BRINP3: variants seen among roughly 807,000 people sequenced by gnomAD.
The protein encoded by BRINP3 is BMP/retinoic acid inducible neural specific 3.
In BRINP3, 19 loss-of-function variants were observed where a neutral mutation model predicts 71.0. The ratio of observed to expected loss-of-function variants is 0.27; its 90% CI spans 0.19 to 0.39. The LOEUF is 0.39. BRINP3 is among the 10% of genes least tolerant of loss of function. BRINP3 has a pLI of 1.00. For missense variants in BRINP3, 959 were observed against 940.8 expected (o/e 1.02, Z -0.25); for synonymous variants, 380 against 337.7 (o/e 1.13, Z -1.37).
At chr1:190,312,222 T>C (rs1665585280) in intron 2 of BRINP3, among the ~76,000 whole-genome samples, 1 of 150,796 alleles carries the variant, frequency 6.6e-6, no homozygotes, top group East Asian at 1.9e-4. Flanking sequence ...TATTGCAAAG[T>C]TCAATATAAA....
chr1:190,389,901 G>T (rs962798125), intron 2 of BRINP3, among the ~76,000 whole-genome samples: 1 of 151,760 alleles, frequency 6.6e-6, no homozygotes, highest in Non-Finnish European at 1.5e-5. Context: ...GACAAAAATG[G>T]ATTTTGATAA....
intron 1 of BRINP3, chr1:190,474,323 A>T (rs1411253357): frequency 6.6e-6 from 1 of 152,644 alleles, no homozygotes; most frequent in East Asian, 1.9e-4. Flanking sequence ...AAATGCATAT[A>T]TTCCATTGCT....
chr1:190,438,550 C>A (rs552184152), intron 2 of BRINP3, among the ~76,000 whole-genome samples: 1 of 151,920 alleles, frequency 6.6e-6, no homozygotes, highest in African/African-American at 2.4e-5. Context: ...GTAGCTTATG[C>A]TGACTTTGAG....
At chr1:190,287,212 C>T (rs375500801) in intron 2 of BRINP3, among the ~76,000 whole-genome samples, 15 of 152,122 alleles carry the variant, frequency 9.9e-5, no homozygotes, top group East Asian at 5.8e-4. Context: ...GGCCGCAGAG[C>T]GAGACTCCAT....
chr1:190,193,536 C>G (rs536635493), intron 6 of BRINP3, among the ~76,000 whole-genome samples: 84 of 152,122 alleles, frequency 5.5e-4, no homozygotes, highest in Middle Eastern at 6.8e-3. Flanking sequence ...GTACTAATCC[C>G]TGGAACTTGC....
chr1:190,283,013 T>C (rs1663155809), intron 2 of BRINP3, among the ~76,000 whole-genome samples: 1 of 151,940 alleles, frequency 6.6e-6, no homozygotes, highest in African/African-American at 2.4e-5. Context: ...ACAGTGTACA[T>C]ACTTCCAGGA....
intron 7 of BRINP3, among the ~76,000 whole-genome samples, chr1:190,139,731 A>T (rs987191550): frequency 1.3e-5 from 2 of 152,184 alleles, no homozygotes; most frequent in Non-Finnish European, 2.9e-5. Flanking sequence ...GTCAAGCCAG[A>T]TTTGAGACAA....
At chr1:190,256,476 G>A (rs1470036152) in intron 4 of BRINP3, among the ~76,000 whole-genome samples, 1 of 152,080 alleles carries the variant, frequency 6.6e-6, no homozygotes, top group African/African-American at 2.4e-5. Flanking sequence ...GGGGCATTTA[G>A]CCCATTTATA....
chr1:190,335,402 TG>T (rs1215386334), intron 2 of BRINP3, among the ~76,000 whole-genome samples: 4 of 151,904 alleles, frequency 2.6e-5, no homozygotes, highest in African/African-American at 9.7e-5. Flanking sequence ...AATAATAGGA[TG>T]ATGTCTTTAT....
chr1:190,216,376 T>C (rs1366727902), intron 6 of BRINP3, among the ~76,000 whole-genome samples: 1 of 151,658 alleles, frequency 6.6e-6, no homozygotes, highest in Non-Finnish European at 1.5e-5. Context: ...ATACTATTTT[T>C]ATTGTAATTA....
intron 2 of BRINP3, among the ~76,000 whole-genome samples, chr1:190,311,494 A>C (rs1665514793): frequency 6.6e-6 from 1 of 151,674 alleles, no homozygotes; most frequent in South Asian, 2.1e-4. Flanking sequence ...TAGCCAAAAA[A>C]AAGTAGAAAT....
At chr1:190,170,316 G>T (rs1294700037) in intron 6 of BRINP3, among the ~76,000 whole-genome samples, 1 of 151,920 alleles carries the variant, frequency 6.6e-6, no homozygotes, top group Non-Finnish European at 1.5e-5. Flanking sequence ...TTTCTCTGAG[G>T]GTGAGAACAA....
intron 1 of BRINP3, among the ~76,000 whole-genome samples, chr1:190,459,255 T>G (rs956981448): frequency 2.0e-5 from 3 of 151,608 alleles, no homozygotes; most frequent in African/African-American, 7.3e-5. Context: ...ACATATATAC[T>G]AATGTATACT....
At chr1:190,262,449 A>G in intron 4 of BRINP3, among the ~76,000 whole-genome samples, 1 of 152,044 alleles carries the variant, frequency 6.6e-6, no homozygotes, top group East Asian at 1.9e-4. Context: ...GCTGGTGCTT[A>G]TCTTATTTCC....
intron 4 of BRINP3, among the ~76,000 whole-genome samples, chr1:190,250,266 A>G (rs1304842898): frequency 1.3e-5 from 2 of 151,984 alleles, no homozygotes; most frequent in East Asian, 3.9e-4. Flanking sequence ...GGAATTATAT[A>G]TCACATCACT....
intron 2 of BRINP3, among the ~76,000 whole-genome samples, chr1:190,399,778 A>G (rs1671808857): frequency 6.6e-6 from 1 of 152,024 alleles, no homozygotes; most frequent in African/African-American, 2.4e-5. Flanking sequence ...ACAATTTCTG[A>G]GATAAGACAC....
intron 7 of BRINP3, among the ~76,000 whole-genome samples, chr1:190,115,099 G>T (rs2102296296): frequency 6.6e-6 from 1 of 152,122 alleles, no homozygotes; most frequent in East Asian, 1.9e-4. Context: ...ATGGCAGGAA[G>T]TTTTATCTCA....
At chr1:190,228,420 A>C (rs2102711158) in intron 5 of BRINP3, among the ~76,000 whole-genome samples, 1 of 151,672 alleles carries the variant, frequency 6.6e-6, no homozygotes, top group South Asian at 2.1e-4. Flanking sequence ...CCATTTTCAT[A>C]GTCATAAAGC....
intron 7 of BRINP3, among the ~76,000 whole-genome samples, chr1:190,123,132 C>T (rs1653818629): frequency 6.6e-6 from 1 of 152,110 alleles, no homozygotes; most frequent in South Asian, 2.1e-4. Flanking sequence ...TGTTCGCCCC[C>T]CTCGAGGAGG....
Sources: allele counts gnomAD v4.1 joint callset (sites outside exome capture counted in the v4.1 genomes callset), GRCh38; gene constraint gnomAD v4.1.1; transcripts MANE v1.5; gene names NCBI Gene and HGNC (gene_info 2026-07-23, HGNC 2026-07-21).